The following ZNF438 variants were observed in gnomAD, a reference collection of about 807,000 sequenced individuals.
The protein encoded by ZNF438 is zinc finger protein 438.
ZNF438 carries 25 observed loss-of-function variants against 38.0 expected under a neutral mutation model. That is an observed-to-expected ratio of 0.66 (90% CI 0.48 to 0.92). The LOEUF (loss-of-function observed/expected upper bound fraction) is 0.92. ZNF438 is among the 40% of genes least tolerant of loss of function. The pLI is 0.00. For synonymous variants in ZNF438, 372 were observed against 364.1 expected (o/e 1.02, Z -0.25); for missense variants, 1,007 against 999.6 (o/e 1.01, Z -0.10).
At chr10:30,874,973 G>A (rs558147834) in intron 4 of ZNF438, among the ~76,000 whole-genome samples, 1 of 152,080 alleles carries the variant, frequency 6.6e-6, no homozygotes, top group Admixed American at 6.5e-5. Flanking sequence ...CTAACTTATT[G>A]TGAAGATTAA....
In ZNF438 at chr10:30,976,409, C is replaced by T. The variant is rs375117450; in HGVS notation, c.-191-34758G>A. ...TATGGAGAAATATAAACTAAGGTAG[C>T]AATATCAATGTCAGCTAAAACAAAA... is the stretch of plus-strand genomic sequence containing the variant. On this transcript the variant is annotated intron_variant, in intron 1 of 5. Transcript: ENST00000413025. Among the ~76,000 whole-genome samples, 76 of 152,188 alleles carry T rather than the reference C, an allele frequency of 5.0e-4. 2 individuals carry two copies. Among genetic ancestry groups the T allele is most frequent in the African/African-American group, 1.7e-3 (70 of 41,538 alleles).
chr10:30,914,091 C>A (rs1219112478), intron 2 of ZNF438, among the ~76,000 whole-genome samples: 1 of 151,944 alleles, frequency 6.6e-6, no homozygotes, highest in East Asian at 1.9e-4. Context: ...TAATGGAATA[C>A]CACTTAGTAA....
At chr10:30,897,478 A>T (rs1045198753) in intron 3 of ZNF438, among the ~76,000 whole-genome samples, 1 of 152,188 alleles carries the variant, frequency 6.6e-6, no homozygotes, top group Non-Finnish European at 1.5e-5. Context: ...TGCTTCAACA[A>T]ATAACATCTT....
At chr10:30,877,015 A>C in exon 4 of ZNF438, 1 of 1,606,246 alleles carries the variant, frequency 6.2e-7, no homozygotes, top group East Asian at 2.2e-5. Context: ...TTTTGGTGGT[A>C]CTGATACAGA....
chr10:30,864,323 G>A (rs1321533855), intron 4 of ZNF438, among the ~76,000 whole-genome samples: 1 of 152,192 alleles, frequency 6.6e-6, no homozygotes, highest in African/African-American at 2.4e-5. Flanking sequence ...CTGGTCTGGA[G>A]GCTACCCTTC....
chr10:30,989,497 T>C (rs1382925589), intron 1 of ZNF438, among the ~76,000 whole-genome samples: 1 of 152,196 alleles, frequency 6.6e-6, no homozygotes, highest in Non-Finnish European at 1.5e-5. Context: ...ACCCTTAGCT[T>C]TCAGAGAACA....
exon 5 of ZNF438, chr10:30,848,926 G>C: frequency 6.2e-7 from 1 of 1,614,196 alleles, no homozygotes; most frequent in Non-Finnish European, 8.5e-7. Context: ...TTCTGAACAC[G>C]GAGCTGGGCT....
intron 1 of ZNF438, among the ~76,000 whole-genome samples, chr10:30,945,766 T>C (rs112878750): frequency 0.28 from 31,980 of 114,354 alleles, 5,170 homozygotes; most frequent in South Asian, 0.38. Context: ...TATTCCATGG[T>C]GTATATGTGC....
chr10:30,923,831 G>A (rs1353964415), intron 2 of ZNF438, among the ~76,000 whole-genome samples: 6 of 152,126 alleles, frequency 3.9e-5, no homozygotes, highest in African/African-American at 1.4e-4. Flanking sequence ...TTTAAGTTCA[G>A]AATTACAATG....
At chr10:31,013,778 A>G (rs766116238) in intron 1 of ZNF438, among the ~76,000 whole-genome samples, 2 of 152,014 alleles carry the variant, frequency 1.3e-5, no homozygotes, top group Admixed American at 6.6e-5. Context: ...AAATGCTTAC[A>G]TTTCTCCCAT....
At chr10:31,017,470 A>G (rs2056281944) in intron 1 of ZNF438, among the ~76,000 whole-genome samples, 1 of 152,240 alleles carries the variant, frequency 6.6e-6, no homozygotes, top group African/African-American at 2.4e-5. Context: ...TTGCAAGCCA[A>G]ACTTATGGGA....
intron 3 of ZNF438, among the ~76,000 whole-genome samples, chr10:30,890,092 A>G (rs1312170768): frequency 6.9e-6 from 1 of 143,988 alleles, no homozygotes; most frequent in Non-Finnish European, 1.6e-5. Flanking sequence ...CCAAAAAAAA[A>G]AAAAAAAAAA....
intron 1 of ZNF438, among the ~76,000 whole-genome samples, chr10:31,024,348 C>T (rs1288695398): frequency 2.6e-5 from 4 of 152,080 alleles, no homozygotes; most frequent in South Asian, 4.1e-4. Context: ...TAGGTACGGC[C>T]GAGCGCAGTG....
At chr10:30,966,618 T>C (rs1479358347) in intron 1 of ZNF438, among the ~76,000 whole-genome samples, 1 of 145,112 alleles carries the variant, frequency 6.9e-6, no homozygotes, top group Non-Finnish European at 1.5e-5. Context: ...TGCAGTGAGC[T>C]GAGATTGCGC....
chr10:30,982,337 G>A (rs1193081421), intron 1 of ZNF438, among the ~76,000 whole-genome samples: 8 of 151,972 alleles, frequency 5.3e-5, no homozygotes, highest in Non-Finnish European at 1.0e-4. Context: ...TCCTGACCTC[G>A]TGATCCACCT....
chr10:30,884,713 A>T (rs1314456747), intron 3 of ZNF438, among the ~76,000 whole-genome samples: 1 of 152,252 alleles, frequency 6.6e-6, no homozygotes, highest in Non-Finnish European at 1.5e-5. Flanking sequence ...TTAGTTAATA[A>T]GCCATATTTA....
chr10:30,866,407 C>A (rs192729792), intron 4 of ZNF438, among the ~76,000 whole-genome samples: 1 of 152,284 alleles, frequency 6.6e-6, no homozygotes. Flanking sequence ...CTTGGCATTA[C>A]AAGAAAGAAC....
At chr10:30,990,942 A>G (rs2132517745) in intron 1 of ZNF438, among the ~76,000 whole-genome samples, 1 of 152,326 alleles carries the variant, frequency 6.6e-6, no homozygotes, top group African/African-American at 2.4e-5. Context: ...TCTCCCCAAC[A>G]AAAACAATTT....
At chr10:31,028,106 C>T (rs1449475387) in intron 1 of ZNF438, among the ~76,000 whole-genome samples, 1 of 151,764 alleles carries the variant, frequency 6.6e-6, no homozygotes, top group South Asian at 2.1e-4. Context: ...GCAATTCCAC[C>T]TACAATATAT....
Sources: allele counts gnomAD v4.1 joint callset (sites outside exome capture counted in the v4.1 genomes callset), GRCh38; gene constraint gnomAD v4.1.1; transcripts MANE v1.5; gene names NCBI Gene and HGNC (gene_info 2026-07-23, HGNC 2026-07-21).